The following NTRK2 variants were observed in gnomAD, a reference collection of about 807,000 sequenced individuals.
NTRK2 encodes BDNF/NT-3 growth factors receptor.
Under a neutral mutation model 94.5 loss-of-function variants are expected in NTRK2, and 13 were observed. The ratio of observed to expected loss-of-function variants is 0.14; its 90% CI spans 0.09 to 0.22. The LOEUF (loss-of-function observed/expected upper bound fraction) is 0.22. Among genes scored for constraint, NTRK2 ranks in the 10% least tolerant of loss-of-function variants. NTRK2 has a pLI of 1.00. For synonymous variants in NTRK2, 372 were observed against 407.4 expected (o/e 0.91, Z 1.05); for missense variants, 639 against 1,071.2 (o/e 0.60, Z 5.63).
chr9:84,773,879 A>G (rs2066788852), intron 12 of NTRK2, among the ~76,000 whole-genome samples: 1 of 151,678 alleles, frequency 6.6e-6, no homozygotes, highest in Non-Finnish European at 1.5e-5. Context: ...CAATCTCTCA[A>G]CTCCTCAACA....
At chr9:84,796,779 T>C (rs2069377302) in intron 12 of NTRK2, among the ~76,000 whole-genome samples, 1 of 152,178 alleles carries the variant, frequency 6.6e-6, no homozygotes, top group Non-Finnish European at 1.5e-5. Context: ...GTGGTAGGAA[T>C]CATATATCAC....
At chr9:84,760,696 A>G (rs2065479668) in intron 12 of NTRK2, among the ~76,000 whole-genome samples, 1 of 152,170 alleles carries the variant, frequency 6.6e-6, no homozygotes, top group South Asian at 2.1e-4. Flanking sequence ...TTGATTTGGT[A>G]TGTAGGTTTT....
chr9:84,872,255 CTT>C (rs376399181), intron 14 of NTRK2: 1 of 1,125,204 alleles, frequency 8.9e-7, no homozygotes, highest in African/African-American at 1.5e-5. Flanking sequence ...TGCTGAGAAA[CTT>C]TTTGACAGGG....
chr9:84,936,678 A>C (rs1246187983), intron 15 of NTRK2, among the ~76,000 whole-genome samples: 7 of 152,194 alleles, frequency 4.6e-5, no homozygotes, highest in Admixed American at 6.5e-5. Flanking sequence ...AAGGAAAAAC[A>C]AGATTTAATT....
chr9:84,886,459 T>A (rs1288000668), intron 14 of NTRK2, among the ~76,000 whole-genome samples: 1 of 152,224 alleles, frequency 6.6e-6, no homozygotes, highest in Admixed American at 6.5e-5. Flanking sequence ...GGTGTTCAAG[T>A]CTAGCCTTAA....
intron 2 of NTRK2, among the ~76,000 whole-genome samples, chr9:84,686,685 C>A (rs1469668956): frequency 6.6e-6 from 1 of 152,170 alleles, no homozygotes; most frequent in Non-Finnish European, 1.5e-5. Flanking sequence ...GATACATATA[C>A]TTTTGCACTT....
At chr9:84,732,523 TTGAG>T (rs1385426861) in intron 9 of NTRK2, among the ~76,000 whole-genome samples, 1 of 152,206 alleles carries the variant, frequency 6.6e-6, no homozygotes, top group Non-Finnish European at 1.5e-5. Flanking sequence ...CTGCTTTTGA[TTGAG>T]TGACAAACAA....
At chr9:84,862,072 A>G (rs868489288) in intron 13 of NTRK2, among the ~76,000 whole-genome samples, 10 of 152,302 alleles carry the variant, frequency 6.6e-5, no homozygotes, top group Non-Finnish European at 1.0e-4. Context: ...CAGCCTGGCC[A>G]GATGGGGCCT....
intron 4 of NTRK2, among the ~76,000 whole-genome samples, chr9:84,705,280 C>A (rs909293951): frequency 6.6e-6 from 1 of 152,146 alleles, no homozygotes; most frequent in African/African-American, 2.4e-5. Context: ...TTCTTGATGC[C>A]TTTAATTCCT....
At chr9:84,875,441 G>A in intron 14 of NTRK2, 1 of 1,062,302 alleles carries the variant, frequency 9.4e-7, no homozygotes, top group Non-Finnish European at 1.1e-6. Flanking sequence ...GACAAGGCAG[G>A]CTGAGAGCTC....
chr9:84,980,586 A>G (rs1175709386), intron 17 of NTRK2, among the ~76,000 whole-genome samples: 1 of 152,140 alleles, frequency 6.6e-6, no homozygotes, highest in East Asian at 1.9e-4. Context: ...TAAATAAAAC[A>G]CTGTCCCTAG....
At chr9:84,954,040 C>T (rs181412745) in intron 16 of NTRK2, among the ~76,000 whole-genome samples, 11 of 152,218 alleles carry the variant, frequency 7.2e-5, no homozygotes, top group African/African-American at 2.7e-4. Flanking sequence ...GACATGTGTT[C>T]TCAGACAATT....
chr9:84,966,367 T>C (rs1409161567), intron 17 of NTRK2, among the ~76,000 whole-genome samples: 1 of 152,212 alleles, frequency 6.6e-6, no homozygotes, highest in Admixed American at 6.5e-5. Flanking sequence ...TTTGGGAATT[T>C]ATATTCTTCA....
chr9:84,838,516 A>T (rs1228726546), intron 12 of NTRK2, among the ~76,000 whole-genome samples: 1 of 152,160 alleles, frequency 6.6e-6, no homozygotes, highest in Non-Finnish European at 1.5e-5. Context: ...AAATGATGAG[A>T]TCAAGATGTT....
chr9:84,736,829 A>G (rs1399800593), intron 9 of NTRK2, among the ~76,000 whole-genome samples: 1 of 152,232 alleles, frequency 6.6e-6, no homozygotes. Flanking sequence ...CCACTGCTAT[A>G]TAGCAAATGA....
intron 17 of NTRK2, among the ~76,000 whole-genome samples, chr9:84,979,715 A>G (rs1236007493): frequency 6.6e-6 from 1 of 152,232 alleles, no homozygotes; most frequent in Non-Finnish European, 1.5e-5. Flanking sequence ...TTGTGAAAGG[A>G]AGAGTCAATC....
chr9:84,892,121 T>C (rs1364940193), intron 14 of NTRK2, among the ~76,000 whole-genome samples: 2 of 152,176 alleles, frequency 1.3e-5, no homozygotes, highest in African/African-American at 4.8e-5. Context: ...TCTAAATGTA[T>C]CTGCCCTTGT....
rs1833015926 is a variant in NTRK2, at chr9:85,026,031, A to AT, written c.*4597dup. 4.3e-6 allele frequency: 1 copy of AT among 230,374 alleles called. No homozygotes were observed. Among genetic ancestry groups the AT allele is most frequent in the Admixed American group, 5.7e-5 (1 of 17,648 alleles). The allele number at this position is 230,374 out of a possible 1,614,324, so 14.3% of individuals were successfully genotyped here. Reference sequence around the variant, plus strand: ...GTTCTTGAATATCCTTAGTTTTTGCATTTCCCCTCCTTTTCCTTTGACCTT... The same window carrying AT: ...GTTCTTGAATATCCTTAGTTTTTGCATTTTCCCCTCCTTTTCCTTTGACCTT... On this transcript the variant is annotated 3_prime_UTR_variant, in exon 19 of 19. Transcript: ENST00000277120.
intron 13 of NTRK2, among the ~76,000 whole-genome samples, chr9:84,866,508 A>G (rs2075602023): frequency 6.6e-6 from 1 of 152,236 alleles, no homozygotes; most frequent in Non-Finnish European, 1.5e-5. Context: ...TCCCAGATTC[A>G]TGTTGACAGT....
Sources: gnomAD v4.1 joint callset for allele counts (sites outside exome capture counted in the v4.1 genomes callset) on GRCh38, gnomAD v4.1.1 for gene constraint, MANE v1.5 for transcripts, NCBI Gene and HGNC (gene_info 2026-07-23, HGNC 2026-07-21) for gene names.